OSBPL1A: variants seen among roughly 807,000 people sequenced by gnomAD.
OSBPL1A encodes oxysterol binding protein like 1A.
In OSBPL1A, 80 loss-of-function variants were observed where a neutral mutation model predicts 137.1. The observed-to-expected ratio is 0.58, with a 90% CI of 0.49 to 0.70. The LOEUF (loss-of-function observed/expected upper bound fraction) is 0.70, where lower values mean the gene tolerates loss of function less well. Ranked by LOEUF, OSBPL1A falls within the 30% of genes least tolerant of loss-of-function variation. OSBPL1A has a pLI of 0.00. For synonymous variants in OSBPL1A, 365 were observed against 389.7 expected, an observed-to-expected ratio of 0.94 and a Z score of 0.75; for missense variants, 970 against 1,129.4, an observed-to-expected ratio of 0.86 and a Z score of 2.02.
At chr18:24,248,800 A>G (rs1338684454) in intron 15 of OSBPL1A, among the ~76,000 whole-genome samples, 1 of 152,268 alleles carries the variant, frequency 6.6e-6, no homozygotes, top group African/African-American at 2.4e-5. Context: ...TGATAATGAT[A>G]CTTGGAAGAA....
intron 1 of OSBPL1A, among the ~76,000 whole-genome samples, chr18:24,385,176 T>A (rs189997443): frequency 2.6e-5 from 4 of 151,932 alleles, no homozygotes; most frequent in Non-Finnish European, 5.9e-5. Flanking sequence ...GGATGGTCTC[T>A]ATCTCCTGAC....
At chr18:24,315,106 G>T (rs1172570632) in intron 11 of OSBPL1A, among the ~76,000 whole-genome samples, 1 of 152,152 alleles carries the variant, frequency 6.6e-6, no homozygotes, top group Non-Finnish European at 1.5e-5. Flanking sequence ...GACAGACTCC[G>T]ATGGGAGTCA....
intron 11 of OSBPL1A, among the ~76,000 whole-genome samples, chr18:24,314,796 T>C (rs968625121): frequency 3.3e-5 from 5 of 152,068 alleles, no homozygotes; most frequent in Non-Finnish European, 5.9e-5. Flanking sequence ...GAAATAATTA[T>C]GGGTTTTAAA....
chr18:24,179,429 TTAAAG>T (rs1043759198), intron 20 of OSBPL1A: 2 of 311,474 alleles, frequency 6.4e-6, no homozygotes, highest in African/African-American at 2.2e-5. Context: ...ACCCTAAAAC[TTAAAG>T]TAAAAAAAAA....
In OSBPL1A at chr18:24,280,828, T is replaced by C. The variant is rs2089941036; in HGVS notation, c.1281+14A>G. On this transcript the variant is annotated intron_variant, in intron 15 of 27. Transcript: ENST00000319481. ...CAAACAATTATTTTACAAATTCAAT[T>C]CTGAACTACCTACCCCTTCTTGTTT... 12 of 1,517,660 alleles carry C rather than the reference T, an allele frequency of 7.9e-6. No individual in the cohort carries two copies. The highest frequency in any genetic ancestry group is 1.1e-5 in the Non-Finnish European group (12 of 1,129,812). 94.0% of individuals were successfully genotyped at this position (1,517,660 alleles called of 1,614,324 possible). A position where few individuals can be genotyped will look rare whatever the true frequency, so the allele number is the denominator to read the frequency against.
At chr18:24,252,830 AGTAAAGT>A (rs564084951) in intron 15 of OSBPL1A, among the ~76,000 whole-genome samples, 18 of 152,200 alleles carry the variant, frequency 1.2e-4, no homozygotes, top group Non-Finnish European at 2.4e-4. Context: ...GGGAGAATGA[AGTAAAGT>A]GTAGAGTTTT....
At chr18:24,395,333 C>G (rs548905112) in intron 1 of OSBPL1A, among the ~76,000 whole-genome samples, 1 of 152,170 alleles carries the variant, frequency 6.6e-6, no homozygotes, top group Non-Finnish European at 1.5e-5. Flanking sequence ...TACTTTCTGC[C>G]TACTACTTTT....
chr18:24,362,848 T>C (rs771287538), intron 4 of OSBPL1A, among the ~76,000 whole-genome samples: 3 of 152,160 alleles, frequency 2.0e-5, no homozygotes, highest in Non-Finnish European at 2.9e-5. Context: ...GGATATCCAT[T>C]AAAGAAACAA....
intron 18 of OSBPL1A, among the ~76,000 whole-genome samples, chr18:24,191,211 G>A (rs1364602758): frequency 6.6e-6 from 1 of 152,188 alleles, no homozygotes; most frequent in African/African-American, 2.4e-5. Flanking sequence ...GTTTTTCAAA[G>A]TTGTGTTTTT....
intron 15 of OSBPL1A, among the ~76,000 whole-genome samples, chr18:24,276,958 A>G (rs925533735): frequency 2.0e-5 from 3 of 152,342 alleles, no homozygotes; most frequent in African/African-American, 7.2e-5. Flanking sequence ...GACTGGACAT[A>G]ATTTTATGGA....
intron 16 of OSBPL1A, among the ~76,000 whole-genome samples, chr18:24,234,525 A>AG (rs143292137): frequency 0.11 from 16,075 of 152,168 alleles, 1,193 homozygotes; most frequent in Middle Eastern, 0.17. Flanking sequence ...AAGCGATCCC[A>AG]GGGGGGACGC....
rs555681416 is a variant in OSBPL1A at position 24,205,589 on chromosome 18, T to C, written c.1602-9389A>G. On this transcript the variant is annotated intron_variant, in intron 17 of 27. Coordinates refer to ENST00000319481, the MANE Select transcript of OSBPL1A (RefSeq NM_080597.4). ...AACATTCAGCCCAGTGCCTGGTAGG[T>C]AGAAAACCTTCAACATGAAGTAGAG... 2.9e-4 allele frequency among the ~76,000 whole-genome samples: 44 copies of C among 152,304 alleles called. 1 individual carries two copies. In the South Asian group the frequency reaches 8.9e-3, roughly 31 times the overall value.
rs114732850 is a variant in OSBPL1A at position 24,262,605 on chromosome 18, C to G, written c.1281+18237G>C. Reference sequence around the variant, plus strand: ...AAATAAACTTTATTTGAATCATATACAATACCTTTATGTTAAGTGTATGAT... The same window carrying G: ...AAATAAACTTTATTTGAATCATATAGAATACCTTTATGTTAAGTGTATGAT... On this transcript the variant is annotated intron_variant, in intron 15 of 27. Coordinates refer to ENST00000319481, the MANE Select transcript of OSBPL1A (RefSeq NM_080597.4). 6.2e-3 allele frequency among the ~76,000 whole-genome samples: 938 copies of G among 152,282 alleles called. 10 individuals carry two copies. Among genetic ancestry groups the G allele is most frequent in the African/African-American group, 0.021 (862 of 41,560 alleles).
chr18:24,332,584 A>C (rs1282524448), intron 7 of OSBPL1A, among the ~76,000 whole-genome samples: 1 of 151,918 alleles, frequency 6.6e-6, no homozygotes, highest in Non-Finnish European at 1.5e-5. Context: ...AAAAAAAAAA[A>C]AAAAGGTTTC....
At chr18:24,350,654 G>A (rs1484643348) in intron 4 of OSBPL1A, among the ~76,000 whole-genome samples, 1 of 151,938 alleles carries the variant, frequency 6.6e-6, no homozygotes, top group African/African-American at 2.4e-5. Flanking sequence ...CACACACACA[G>A]GAACAGGAAT....
intron 17 of OSBPL1A, among the ~76,000 whole-genome samples, chr18:24,208,640 T>C (rs1338356609): frequency 6.6e-6 from 1 of 152,226 alleles, no homozygotes; most frequent in Non-Finnish European, 1.5e-5. Context: ...TAAACTCTTA[T>C]TACCATTAGA....
At chr18:24,201,528 C>T (rs201791480) in intron 17 of OSBPL1A, among the ~76,000 whole-genome samples, 141 of 152,180 alleles carry the variant, frequency 9.3e-4, no homozygotes, top group Non-Finnish European at 1.6e-3. Flanking sequence ...TTTGGGAGGC[C>T]GAGGCAGACA....
rs2088178567 is a variant in OSBPL1A at position 24,228,858 on chromosome 18, G to A, written c.1445-3660C>T. Among the ~76,000 whole-genome samples the A allele has an allele frequency of 2.0e-5, 3 of 152,178 alleles. No individual in the cohort carries two copies. The South Asian group carries it at 6.2e-4, about 32-fold the overall frequency. Reference sequence around the variant, plus strand: ...GGCAGTGGAAGGCACAGAACGGGCAGACATGAGACTGTGAGTCAGTCTTAA... The same window carrying A: ...GGCAGTGGAAGGCACAGAACGGGCAAACATGAGACTGTGAGTCAGTCTTAA... On this transcript the variant is annotated intron_variant, in intron 16 of 27. Coordinates refer to ENST00000319481, the MANE Select transcript of OSBPL1A (RefSeq NM_080597.4).
intron 17 of OSBPL1A, among the ~76,000 whole-genome samples, chr18:24,213,135 CTCCAACTAAAATTAGCGTAGCG>C (rs1410392300): frequency 5.9e-5 from 9 of 152,200 alleles, no homozygotes; most frequent in African/African-American, 2.2e-4. Context: ...TGTTAGACCT[CTCCAACTAAAATTAGCGTAGCG>C]TCTTAGAAGC....
Sources: allele counts gnomAD v4.1 joint callset (sites outside exome capture counted in the v4.1 genomes callset), GRCh38; gene constraint gnomAD v4.1.1; transcripts MANE v1.5; gene names NCBI Gene and HGNC (gene_info 2026-07-23, HGNC 2026-07-21).